The following RTL9 variants were observed in gnomAD, a reference collection of about 807,000 sequenced individuals.
RTL9 encodes the protein retrotransposon Gag-like protein 9.
RTL9 carries 19 observed loss-of-function variants against 44.7 expected under a neutral mutation model. The observed-to-expected ratio is 0.42, with a 90% CI of 0.30 to 0.62. RTL9 has a LOEUF of 0.62. Ranked by LOEUF, RTL9 falls within the 20% of genes least tolerant of loss-of-function variation. RTL9 has a pLI of 0.16. For synonymous variants in RTL9, 407 were observed against 398.9 expected (o/e 1.02, Z -0.24); for missense variants, 1,105 against 1,080.6 (o/e 1.02, Z -0.32).
At chrX:110,412,155 A>T in intron 1 of RTL9, among the ~76,000 whole-genome samples, 1 of 112,517 alleles carries the variant, frequency 8.9e-6, no homozygotes, top group Non-Finnish European at 1.9e-5. Flanking sequence ...GCAAAAATTT[A>T]AAAGGTCACT....
exon 1 of RTL9, chrX:110,453,668 G>T (rs761226305): frequency 8.3e-7 from 1 of 1,210,213 alleles, no homozygotes; most frequent in East Asian, 3.0e-5. Flanking sequence ...TGGCCACAGC[G>T]CCAATTAGAG....
intron 1 of RTL9, among the ~76,000 whole-genome samples, chrX:110,380,350 A>G (rs56306795): frequency 0.041 from 4,294 of 104,042 alleles, 209 homozygotes; most frequent in African/African-American, 0.17. Flanking sequence ...TACAATAGCC[A>G]TACAAAAAAA....
chrX:110,433,896 G>A (rs2068817060), intron 1 of RTL9, among the ~76,000 whole-genome samples: 1 of 112,107 alleles, frequency 8.9e-6, no homozygotes, highest in Admixed American at 9.4e-5. Flanking sequence ...TGTGGGTACT[G>A]AGAATATAAA....
Position 110,453,605 on chromosome X carries a change from G to T in RTL9, c.2988G>T (p.Ala996=), listed in dbSNP as rs749396594. Residue 996 remains alanine, a synonymous_variant, in exon 1 of 2, where the codon GCG becomes GCT. Transcript: ENST00000540313. ...CGTCCACATTGCAAACCAGTGTTGC[G>T]AACTCTAGATCTATGTCCTTGTCAC... The T allele has an allele frequency of 1.4e-4, 172 of 1,210,638 alleles. 1 individual carries two copies. In the South Asian group the frequency reaches 3.0e-3, roughly 21 times the overall value.
chrX:110,455,295 C>A (rs143394366), exon 2 of RTL9: 1 of 1,210,352 alleles, frequency 8.3e-7, no homozygotes, highest in African/African-American at 1.7e-5. Flanking sequence ...CACAGGCCAT[C>A]ATCAGAAGGC....
chrX:110,452,832 A>G lies in RTL9; in HGVS notation c.2215A>G (p.Met739Val), dbSNP rs780105146. The G allele has an allele frequency of 2.5e-6, 3 of 1,209,261 alleles. No individual in the cohort carries two copies. In the African/African-American group the frequency reaches 5.3e-5, roughly 21 times the overall value. ...GATGTCCATGTCGCCCATGAAGTCCATGACCGCTGGAGGGATGCAGATGAA... is the reference window on the plus strand; with the variant it reads ...GATGTCCATGTCGCCCATGAAGTCCGTGACCGCTGGAGGGATGCAGATGAA... The change falls in exon 1 of 2, where the codon ATG becomes GTG. Residue 739 changes from methionine to valine, a missense_variant. Coordinates refer to ENST00000540313, the Ensembl canonical transcript of RTL9.
At chrX:110,413,624 G>A (rs1297765143) in intron 1 of RTL9, among the ~76,000 whole-genome samples, 11 of 104,777 alleles carry the variant, frequency 1.0e-4, no homozygotes. Context: ...CGTGATCCAT[G>A]TACAGGACAC....
At position 110,405,095 on chromosome X, in the gene RTL9, C is replaced by G. The variant is rs569106423; in HGVS notation, c.-167-40058C>G. Among the ~76,000 whole-genome samples, 58 of 100,531 alleles carry G rather than the reference C, an allele frequency of 5.8e-4. 3 individuals carry two copies. The South Asian group carries it at 0.025, about 43-fold the overall frequency. 87.3% of individuals were successfully genotyped at this position (100,531 alleles called of 115,157 possible). A position where few individuals can be genotyped will look rare whatever the true frequency, so the allele number is the denominator to read the frequency against. ...TCAGGTGTGCTTGTTGTGTCCCCCC[C>G]CCCCCCAAGCATGAGTCAGAGCCTT... On this transcript the variant is annotated intron_variant, in intron 1 of 2. Transcript: ENST00000520821.
chrX:110,432,511 TG>T (rs2068804937), intron 1 of RTL9, among the ~76,000 whole-genome samples: 1 of 111,946 alleles, frequency 8.9e-6, no homozygotes, highest in Non-Finnish European at 1.9e-5. Flanking sequence ...GAGGCAGCGT[TG>T]GGGGCCGTCA....
In RTL9 at chrX:110,453,081, CA is replaced by C; in HGVS notation, c.2467del (p.Met823Ter). 1 of 1,211,642 alleles carries C rather than the reference CA, an allele frequency of 8.3e-7. No homozygotes were observed. ...AGCTTATGGAGCCATGTCTGCTCCA[CA>C]AATGACAGCCACAGCCTCTGGAATG... On this transcript the variant is annotated frameshift_variant, in exon 1 of 2. Transcript: ENST00000540313. LOFTEE classifies it high-confidence loss of function.
At chrX:110,411,713 A>C (rs1486012384) in intron 1 of RTL9, among the ~76,000 whole-genome samples, 1 of 112,567 alleles carries the variant, frequency 8.9e-6, no homozygotes, top group Non-Finnish European at 1.9e-5. Context: ...ACAATGGTTT[A>C]TTATTCAGAA....
chrX:110,359,392 C>T (rs1289194105), intron 1 of RTL9, among the ~76,000 whole-genome samples: 2 of 111,267 alleles, frequency 1.8e-5, no homozygotes, highest in East Asian at 2.8e-4. Flanking sequence ...TACTCATGAA[C>T]GACATGCTCT....
Position 110,420,193 on chromosome X carries a change from G to T in RTL9, c.-168+1058G>T, listed in dbSNP as rs545216003. Among the ~76,000 whole-genome samples, 38 of 111,828 alleles carry T rather than the reference G, an allele frequency of 3.4e-4. 1 individual carries two copies. The highest frequency in any genetic ancestry group is 1.1e-3 in the African/African-American group (33 of 30,735). ...AGCACTGGCCACATTGCAGAACAGG[G>T]GTTTGTTTACTTGTCTGTCCTTCCT... is the stretch of plus-strand genomic sequence containing the variant. On this transcript the variant is annotated intron_variant, in intron 1 of 3. Transcript: ENST00000465301.
intron 1 of RTL9, among the ~76,000 whole-genome samples, chrX:110,363,280 G>C (rs188122387): frequency 1.8e-5 from 2 of 111,800 alleles, no homozygotes; most frequent in African/African-American, 3.2e-5. Flanking sequence ...TTTGAAAAAT[G>C]GACAGAGGGC....
chrX:110,416,235 C>T (rs918379707), upstream of RTL9, among the ~76,000 whole-genome samples: 4 of 111,777 alleles, frequency 3.6e-5, no homozygotes, highest in Non-Finnish European at 7.5e-5. Flanking sequence ...GGATTTGAAG[C>T]CGAGTTCAGC....
chrX:110,390,926 T>C (rs1341379894), intron 1 of RTL9, among the ~76,000 whole-genome samples: 1 of 111,901 alleles, frequency 8.9e-6, no homozygotes, highest in Non-Finnish European at 1.9e-5. Context: ...AGCTGGTTGC[T>C]ACCCTCTCAT....
chrX:110,445,828 C>T (rs1024373128), upstream of RTL9, among the ~76,000 whole-genome samples: 1 of 111,711 alleles, frequency 9.0e-6, no homozygotes, highest in Non-Finnish European at 1.9e-5. Context: ...CTGGGTGGGA[C>T]GTGAGGGACC....
intron 1 of RTL9, among the ~76,000 whole-genome samples, chrX:110,420,651 T>C (rs997202093): frequency 5.4e-5 from 6 of 111,880 alleles, no homozygotes; most frequent in Admixed American, 9.5e-5. Context: ...TGAGGCAGGG[T>C]GTGGGGAGGT....
At chrX:110,417,904 C>A (rs927776337), upstream of RTL9, among the ~76,000 whole-genome samples, 33 of 112,517 alleles carry the variant, frequency 2.9e-4, 1 homozygote, top group African/African-American at 1.0e-3. Flanking sequence ...GAAACCAGGT[C>A]ATTCCAGTCC....
Sources: gnomAD v4.1 joint callset for allele counts (sites outside exome capture counted in the v4.1 genomes callset) on GRCh38, gnomAD v4.1.1 for gene constraint, MANE v1.5 for transcripts, NCBI Gene and HGNC (gene_info 2026-07-23, HGNC 2026-07-21) for gene names.